TMEM217B: variants seen among roughly 807,000 people sequenced by gnomAD.
TMEM217B encodes the protein transmembrane protein 217B.
chr6:37,229,347 T>TTTGTTG, the TMEM217B span, among the ~76,000 whole-genome samples: 6 of 131,134 alleles, frequency 4.6e-5, no homozygotes, highest in Non-Finnish European at 9.7e-5. Flanking sequence ...TTTTTTTTTT[T>TTTGTTG]TTTTTTTTTT....
chr6:37,257,780 G>A, the TMEM217B span: 2 of 932,522 alleles, frequency 2.1e-6, no homozygotes, highest in Non-Finnish European at 3.3e-6. Context: ...CCACATCCAA[G>A]ATGGCGTCCC....
At chr6:37,217,524 A>G in the TMEM217B span, 72 of 576,928 alleles carry the variant, frequency 1.2e-4, 1 homozygote, top group East Asian at 9.9e-3. Context: ...ACTACAGAGT[A>G]CAGCACAGCA....
chr6:37,231,609 T>C, the TMEM217B span, among the ~76,000 whole-genome samples: 23 of 147,942 alleles, frequency 1.6e-4, no homozygotes, highest in East Asian at 3.6e-3. Context: ...GGAGGTGGGG[T>C]TGCGGTGAGC....
the TMEM217B span, chr6:37,217,724 C>T: frequency 1.0e-6 from 1 of 985,368 alleles, no homozygotes; most frequent in African/African-American, 1.7e-5. Flanking sequence ...AAACCCACCC[C>T]AGGGCCAACA....
the TMEM217B span, among the ~76,000 whole-genome samples, chr6:37,232,950 T>C: frequency 6.6e-6 from 1 of 152,226 alleles, no homozygotes; most frequent in African/African-American, 2.4e-5. Flanking sequence ...AAGACTGTTC[T>C]CACTTTATAC....
the TMEM217B span, among the ~76,000 whole-genome samples, chr6:37,229,434 C>CT: frequency 1.3e-5 from 2 of 150,878 alleles, no homozygotes; most frequent in African/African-American, 4.9e-5. Flanking sequence ...GCTCCGCCTC[C>CT]CGGGTTCACT....
At chr6:37,245,196 T>C in the TMEM217B span, among the ~76,000 whole-genome samples, 1 of 152,230 alleles carries the variant, frequency 6.6e-6, no homozygotes, top group Non-Finnish European at 1.5e-5. Flanking sequence ...TCTACCATAC[T>C]ATGTTCAGAG....
At chr6:37,229,837 T>C in the TMEM217B span, among the ~76,000 whole-genome samples, 1 of 152,166 alleles carries the variant, frequency 6.6e-6, no homozygotes, top group Non-Finnish European at 1.5e-5. Flanking sequence ...ACAGTTATAA[T>C]AGTATCTCAG....
chr6:37,224,202 G>C, the TMEM217B span, among the ~76,000 whole-genome samples: 1 of 150,762 alleles, frequency 6.6e-6, no homozygotes, highest in African/African-American at 2.4e-5. Flanking sequence ...GCCTCCCAAA[G>C]TGCTGGGATT....
chr6:37,222,539 A>C, the TMEM217B span, among the ~76,000 whole-genome samples: 1 of 152,160 alleles, frequency 6.6e-6, no homozygotes. Context: ...CGGGTCTCCT[A>C]CTTGTCCCTG....
At chr6:37,226,104 ACCT>A in the TMEM217B span, among the ~76,000 whole-genome samples, 14 of 151,774 alleles carry the variant, frequency 9.2e-5, no homozygotes, top group Non-Finnish European at 2.1e-4. Flanking sequence ...GGGATCTAGC[ACCT>A]CCTTTGACTT....
At chr6:37,242,766 A>G in the TMEM217B span, among the ~76,000 whole-genome samples, 3 of 152,276 alleles carry the variant, frequency 2.0e-5, no homozygotes, top group East Asian at 5.8e-4. Context: ...ATCCTTAAAA[A>G]GGTGTCAGGG....
At chr6:37,232,670 A>G in the TMEM217B span, among the ~76,000 whole-genome samples, 1 of 152,126 alleles carries the variant, frequency 6.6e-6, no homozygotes, top group Non-Finnish European at 1.5e-5. Context: ...TTCCACATAT[A>G]CACTCCCTTC....
the TMEM217B span, among the ~76,000 whole-genome samples, chr6:37,245,746 A>G: frequency 6.6e-6 from 1 of 151,866 alleles, no homozygotes; most frequent in African/African-American, 2.4e-5. Flanking sequence ...GGAGGAGGAG[A>G]TGGAGGAGGA....
the TMEM217B span, chr6:37,212,432 A>G: frequency 2.4e-6 from 1 of 421,390 alleles, no homozygotes; most frequent in Non-Finnish European, 4.8e-6. Context: ...AACTTCCGGT[A>G]CAACATTCCC....
chr6:37,241,371 G>A, the TMEM217B span, among the ~76,000 whole-genome samples: 1 of 152,072 alleles, frequency 6.6e-6, no homozygotes, highest in Non-Finnish European at 1.5e-5. Context: ...ACTCCTCAGC[G>A]GCAGAGCTCC....
At chr6:37,253,261 A>G in the TMEM217B span, among the ~76,000 whole-genome samples, 2 of 152,178 alleles carry the variant, frequency 1.3e-5, no homozygotes, top group Admixed American at 1.3e-4. Context: ...AAATCTTCAT[A>G]TTCTTTTCAT....
the TMEM217B span, among the ~76,000 whole-genome samples, chr6:37,249,929 T>C: frequency 6.6e-6 from 1 of 152,216 alleles, no homozygotes; most frequent in Non-Finnish European, 1.5e-5. Flanking sequence ...TTTCTAGTTG[T>C]TCACTTATGC....
chr6:37,224,448 A>G, the TMEM217B span, among the ~76,000 whole-genome samples: 1 of 150,908 alleles, frequency 6.6e-6, no homozygotes, highest in Non-Finnish European at 1.5e-5. Context: ...AATACAAAAA[A>G]TTAGCCGGGC....
Sources: allele counts gnomAD v4.1 joint callset (sites outside exome capture counted in the v4.1 genomes callset), GRCh38; gene constraint gnomAD v4.1.1; transcripts MANE v1.5; gene names NCBI Gene and HGNC (gene_info 2026-07-23, HGNC 2026-07-21).